Variants in SLC24A2 observed in about 807,000 individuals in gnomAD.
The protein encoded by SLC24A2 is solute carrier family 24 member 2.
A neutral mutation model predicts 62.0 loss-of-function variants in SLC24A2; 36 were observed. The observed-to-expected ratio is 0.58, with a 90% confidence interval of 0.44 to 0.77. The LOEUF (loss-of-function observed/expected upper bound fraction) is 0.77, where lower values mean the gene tolerates loss of function less well. Among genes scored for constraint, SLC24A2 ranks in the 30% least tolerant of loss-of-function variants. SLC24A2 has a pLI of 0.00. For missense variants in SLC24A2, 846 were observed against 817.9 expected (o/e 1.03, Z -0.42); for synonymous variants, 358 against 294.0 (o/e 1.22, Z -2.23).
At chr9:19,768,152 TG>T (rs1467659236) in intron 2 of SLC24A2, among the ~76,000 whole-genome samples, 1 of 152,170 alleles carries the variant, frequency 6.6e-6, no homozygotes, top group Non-Finnish European at 1.5e-5. Flanking sequence ...CTCTCAATAC[TG>T]CCACATTGGG....
the SLC24A2 span, among the ~76,000 whole-genome samples, chr9:19,905,214 G>C: frequency 6.6e-6 from 1 of 151,992 alleles, no homozygotes; most frequent in Non-Finnish European, 1.5e-5. Context: ...AAAGAGTGGG[G>C]TCTCACTCAG....
chr9:19,573,293 C>T (rs1233171433), intron 7 of SLC24A2, 58 bp downstream of exon 7: 5 of 1,183,552 alleles, frequency 4.2e-6, no homozygotes, highest in East Asian at 4.7e-5. Flanking sequence ...TCTGTGCTGC[C>T]ACGCTAGGAT....
At chr9:19,891,577 C>T in the SLC24A2 span, among the ~76,000 whole-genome samples, 1 of 152,008 alleles carries the variant, frequency 6.6e-6, no homozygotes, top group African/African-American at 2.4e-5. Context: ...ATGCAATGCT[C>T]TTTTAAATTA....
At chr9:20,173,387 A>G in the SLC24A2 span, among the ~76,000 whole-genome samples, 1 of 152,078 alleles carries the variant, frequency 6.6e-6, no homozygotes, top group Non-Finnish European at 1.5e-5. Flanking sequence ...GATGAAGTCA[A>G]ACTGTCACTG....
chr9:19,590,270 A>G (rs1836511088), intron 5 of SLC24A2, among the ~76,000 whole-genome samples: 1 of 152,128 alleles, frequency 6.6e-6, no homozygotes, highest in African/African-American at 2.4e-5. Context: ...AGACCCTCAT[A>G]TCCAGATGGC....
chr9:20,305,013 C>G, the SLC24A2 span, among the ~76,000 whole-genome samples: 1 of 151,768 alleles, frequency 6.6e-6, no homozygotes, highest in Non-Finnish European at 1.5e-5. Context: ...TATACCCACA[C>G]TGGAGAGTGG....
chr9:20,036,446 C>T, the SLC24A2 span, among the ~76,000 whole-genome samples: 62 of 152,062 alleles, frequency 4.1e-4, no homozygotes, highest in Non-Finnish European at 3.7e-4. Flanking sequence ...TTATTCCTCC[C>T]GTCTAATTGA....
chr9:19,557,631 T>A (rs1835160389), intron 7 of SLC24A2, among the ~76,000 whole-genome samples: 1 of 152,218 alleles, frequency 6.6e-6, no homozygotes, highest in South Asian at 2.1e-4. Flanking sequence ...GCCACAGCTC[T>A]GAGTGGCCCA....
At chr9:19,920,774 T>C in the SLC24A2 span, among the ~76,000 whole-genome samples, 1 of 152,164 alleles carries the variant, frequency 6.6e-6, no homozygotes, top group Non-Finnish European at 1.5e-5. Context: ...CAGTGAGTTC[T>C]AGGAATGACT....
chr9:19,949,924 T>C, the SLC24A2 span, among the ~76,000 whole-genome samples: 3 of 152,200 alleles, frequency 2.0e-5, no homozygotes, highest in Admixed American at 2.0e-4. Context: ...TAATCGAGTG[T>C]GGTGTTTAGA....
At chr9:19,898,381 C>G in the SLC24A2 span, among the ~76,000 whole-genome samples, 1 of 152,226 alleles carries the variant, frequency 6.6e-6, no homozygotes, top group East Asian at 1.9e-4. Context: ...CATAACACTA[C>G]CTTACCACAT....
At chr9:20,254,873 G>C in the SLC24A2 span, among the ~76,000 whole-genome samples, 1 of 152,304 alleles carries the variant, frequency 6.6e-6, no homozygotes, top group South Asian at 2.1e-4. Flanking sequence ...TGTGAAGGAG[G>C]AGCAAAGATA....
Position 19,535,806 on chromosome 9 carries a change from G to C in SLC24A2, c.1480-7668C>G, listed in dbSNP as rs547230760. ...TGCCTCCAGCTTTGTTCTTTGCTTAGGATTGCCTTGGCTATACAGGCTCTT... is the reference window on the plus strand; with the variant it reads ...TGCCTCCAGCTTTGTTCTTTGCTTACGATTGCCTTGGCTATACAGGCTCTT... On this transcript the variant is annotated intron_variant, in intron 8 of 10. Coordinates refer to ENST00000341998, the MANE Select transcript of SLC24A2 (RefSeq NM_020344.4). Among the ~76,000 whole-genome samples the C allele has an allele frequency of 7.8e-4, 118 of 152,240 alleles. 3 individuals are homozygous for C. In the South Asian group the frequency reaches 0.023, roughly 29 times the overall value.
At chr9:19,715,946 G>C (rs1820848149) in intron 2 of SLC24A2, among the ~76,000 whole-genome samples, 1 of 152,120 alleles carries the variant, frequency 6.6e-6, no homozygotes, top group African/African-American at 2.4e-5. Flanking sequence ...TCTCTTTTCA[G>C]GGACAAAAAC....
the SLC24A2 span, among the ~76,000 whole-genome samples, chr9:20,039,714 C>T: frequency 1.3e-5 from 2 of 151,950 alleles, no homozygotes; most frequent in South Asian, 4.2e-4. Context: ...AATGGGGATT[C>T]AGTTGTAAGA....
rs1832891067 is a variant in SLC24A2 at position 19,515,642 on chromosome 9, T to C, written c.*511A>G. 6.6e-6 allele frequency: 1 copy of C among 152,348 alleles called. No individual in the cohort carries two copies. Among genetic ancestry groups the C allele is most frequent in the Non-Finnish European group, 1.5e-5 (1 of 68,254 alleles). The allele number at this position is 152,348 out of a possible 1,614,324, so 9.4% of individuals were successfully genotyped here. On this transcript the variant is annotated 3_prime_UTR_variant, in exon 11 of 11. Coordinates refer to ENST00000341998, the MANE Select transcript of SLC24A2 (RefSeq NM_020344.4). ...CCTCTTCAAATAAGTACTATAAATATACTAGAGCTATCCCTGAAAAGATGC... is the reference window on the plus strand; with the variant it reads ...CCTCTTCAAATAAGTACTATAAATACACTAGAGCTATCCCTGAAAAGATGC...
At chr9:19,518,481 G>A (rs912991497) in intron 10 of SLC24A2, among the ~76,000 whole-genome samples, 5 of 150,868 alleles carry the variant, frequency 3.3e-5, no homozygotes, top group African/African-American at 1.2e-4. Context: ...GAGTGCAGTG[G>A]CGTGATCTTG....
chr9:19,545,548 C>T (rs905161502), intron 8 of SLC24A2, among the ~76,000 whole-genome samples: 1 of 152,182 alleles, frequency 6.6e-6, no homozygotes, highest in Non-Finnish European at 1.5e-5. Flanking sequence ...GGTTTCTCCC[C>T]ATCTTAGTGA....
chr9:19,903,870 G>A, the SLC24A2 span, among the ~76,000 whole-genome samples: 1 of 152,150 alleles, frequency 6.6e-6, no homozygotes, highest in Non-Finnish European at 1.5e-5. Context: ...AGGTAACCCA[G>A]GTATTCTCCC....
Sources: gnomAD v4.1 joint callset for allele counts (sites outside exome capture counted in the v4.1 genomes callset) on GRCh38, gnomAD v4.1.1 for gene constraint, MANE v1.5 for transcripts, NCBI Gene and HGNC (gene_info 2026-07-23, HGNC 2026-07-21) for gene names.